The following SLC39A5 variants were observed in gnomAD, a reference collection of about 807,000 sequenced individuals.
The protein encoded by SLC39A5 is zinc transporter ZIP5.
In SLC39A5, 42 loss-of-function variants were observed where a neutral mutation model predicts 46.9. That is an observed-to-expected ratio of 0.90 (90% CI 0.70 to 1.16). SLC39A5 has a LOEUF of 1.16. SLC39A5 is among the 50% of genes most tolerant of loss of function. SLC39A5 has a pLI of 0.00. For synonymous variants in SLC39A5, 311 were observed against 323.1 expected (o/e 0.96, Z 0.40); for missense variants, 677 against 686.8 (o/e 0.99, Z 0.16).
chr12:56,236,602 A>C lies in SLC39A5; in HGVS notation c.1063A>C (p.Arg355=). The change falls in exon 10 of 13, where the codon AGG becomes CGG. Residue 355 remains arginine, a synonymous_variant. Coordinates refer to ENST00000454355, the MANE Select transcript of SLC39A5 (RefSeq NM_173596.3). ...CGCAGAGCCAGGGGCTCAGGGCCAG[A>C]GGGAGAAGAACAGCCAGCACCCACC... ...AAPEPGAQGQ[R]EKNSQHPPAL... 1 of 1,612,992 alleles carries C rather than the reference A, an allele frequency of 6.2e-7. No homozygotes were observed. Among genetic ancestry groups the C allele is most frequent in the Non-Finnish European group, 8.5e-7 (1 of 1,179,218 alleles).
At chr12:56,233,431 C>T (rs1870433022) in intron 5 of SLC39A5, among the ~76,000 whole-genome samples, 1 of 151,200 alleles carries the variant, frequency 6.6e-6, no homozygotes, top group South Asian at 2.1e-4. Context: ...GCCTGGGTAA[C>T]ACAGCGAGAC....
In SLC39A5 at chr12:56,234,847, G is replaced by T; in HGVS notation, c.495G>T (p.Leu165=). The T allele has an allele frequency of 6.2e-7, 1 of 1,613,726 alleles. No individual in the cohort carries two copies. The change falls in exon 6 of 13, where the codon CTG becomes CTT. Residue 165 remains leucine, a synonymous_variant. Coordinates refer to ENST00000454355, the MANE Select transcript of SLC39A5 (RefSeq NM_173596.3). ...AGTGTCTGAACGGCTCCCAGCTGCT[G>T]GTCAATTTTGGCTTGAGCCCCGCTG... The part of the protein sequence containing the change: ...NEDCLNGSQL[L]VNFGLSPAAP...
intron 4 of SLC39A5, among the ~76,000 whole-genome samples, chr12:56,232,074 C>G (rs981941708): frequency 1.3e-4 from 19 of 151,836 alleles, no homozygotes; most frequent in Non-Finnish European, 2.8e-4. Flanking sequence ...TCTCTAAGCC[C>G]TTAAATTTCT....
intron 2 of SLC39A5, chr12:56,230,509 G>A (rs1281884622): frequency 6.6e-6 from 1 of 152,236 alleles, no homozygotes; most frequent in East Asian, 1.9e-4. Context: ...TACTAATGGT[G>A]TTAAGGATAG....
chr12:56,236,484 C>T lies in SLC39A5; in HGVS notation c.1034C>T (p.Ala345Val), dbSNP rs1404518026. 2.5e-6 allele frequency: 4 copies of T among 1,614,136 alleles called. No individual in the cohort carries two copies. Among genetic ancestry groups the T allele is most frequent in the African/African-American group, 2.7e-5 (2 of 74,958 alleles). ...GGGATGGCCCTTCAGCCCCTACAGG[C>T]AGCTCCAGGTGACTAGAGGAGAAAA... The part of the protein sequence containing the change: ...GSGMALQPLQ[A>V]APEPGAQGQR... The change falls in exon 9 of 13, where the codon GCA becomes GTA. Residue 345 changes from alanine to valine, a missense_variant. Transcript: ENST00000454355.
At chr12:56,231,947 C>CA (rs1214116876) in intron 4 of SLC39A5, among the ~76,000 whole-genome samples, 2 of 151,414 alleles carry the variant, frequency 1.3e-5, no homozygotes, top group Admixed American at 1.3e-4. Flanking sequence ...AGGCTGGTCT[C>CA]AAACTCCTGG....
chr12:56,234,940 C>G lies in SLC39A5; in HGVS notation c.588C>G (p.Val196=). The G allele has an allele frequency of 6.2e-7, 1 of 1,613,674 alleles. No individual in the cohort carries two copies. ...PALLYQIDSR[V]CIGAPAPAPP... ...TGCTTTATCAGATCGACAGCCGCGTCTGCATCGGCGCTCCGGCCCCTGCAC... is the reference window on the plus strand; with the variant it reads ...TGCTTTATCAGATCGACAGCCGCGTGTGCATCGGCGCTCCGGCCCCTGCAC... The change falls in exon 6 of 13, where the codon GTC becomes GTG. Residue 196 remains valine, a synonymous_variant. Coordinates refer to ENST00000454355, the MANE Select transcript of SLC39A5 (RefSeq NM_173596.3).
chr12:56,232,971 C>T, intron 5 of SLC39A5, 99 bp downstream of exon 5: 1 of 1,284,600 alleles, frequency 7.8e-7, no homozygotes, highest in Non-Finnish European at 1.1e-6. Flanking sequence ...GTTTTTAAAT[C>T]CCAACGTGGA....
rs540111887 is a variant in SLC39A5, at chr12:56,235,811, A to C, written c.945+111A>C. On this transcript the variant is annotated intron_variant, in intron 8 of 12. Coordinates refer to ENST00000454355, the MANE Select transcript of SLC39A5 (RefSeq NM_173596.3). Reference sequence around the variant, plus strand: ...TGTAATCCCAGCACTTTGGGAGCCCAAGGCGGGCAGATCACAAGGTTAGGA... The same window carrying C: ...TGTAATCCCAGCACTTTGGGAGCCCCAGGCGGGCAGATCACAAGGTTAGGA... 3 of 1,415,520 alleles carry C rather than the reference A, an allele frequency of 2.1e-6. No individual in the cohort carries two copies. In the East Asian group the frequency reaches 6.9e-5, roughly 32 times the overall value. 87.7% of individuals were successfully genotyped at this position (1,415,520 alleles called of 1,614,324 possible). A position where few individuals can be genotyped will look rare whatever the true frequency, so the allele number is the denominator to read the frequency against.
rs1407628260 is a variant in SLC39A5, at chr12:56,235,692, C to T, written c.937C>T (p.Leu313Phe). 2 of 1,614,024 alleles carry T rather than the reference C, an allele frequency of 1.2e-6. No individual in the cohort carries two copies. The highest frequency in any genetic ancestry group is 4.5e-5 in the East Asian group (2 of 44,874). Residue 313 changes from leucine (L) to phenylalanine (F), a missense_variant, in exon 8 of 13, where the codon CTC becomes TTC. By Grantham distance (22) the Leu-to-Phe change is conservative. Coordinates refer to ENST00000454355, the MANE Select transcript of SLC39A5 (RefSeq NM_173596.3). ...GCTGGGGCTTTTGCGGCACCGAGGG[C>T]TCAGGCCAGTGAGTGATACCCTTTT... ...NMLGLLRHRG[L>F]RPRCCRRKRR... is the part of the protein sequence containing the mutation.
rs539513844 is a variant in SLC39A5 at position 56,232,326 on chromosome 12, G to A, written c.288-363G>A. On this transcript the variant is annotated intron_variant, in intron 4 of 12. Transcript: ENST00000454355. The stretch of plus-strand genomic sequence containing the variant: ...GATTACAGGCACACACCACCACGCC[G>A]GGCTAATTTTTGCAATTTTAGTAGA... Among the ~76,000 whole-genome samples, 6 of 151,452 alleles carry A rather than the reference G, an allele frequency of 4.0e-5. No homozygotes were observed. In the Middle Eastern group the frequency reaches 0.017, roughly 432 times the overall value.
chr12:56,236,342 T>C, intron 8 of SLC39A5, 54 bp from the exon 9 acceptor site: 1 of 1,545,682 alleles, frequency 6.5e-7, no homozygotes, highest in Non-Finnish European at 8.9e-7. Context: ...TGGCTTCCCC[T>C]TAGTCCCTGG....
At chr12:56,235,840 C>G (rs775960846) in intron 8 of SLC39A5, 140 bp downstream of exon 8, 1 of 1,078,328 alleles carries the variant, frequency 9.3e-7, no homozygotes, top group Non-Finnish European at 1.4e-6. Flanking sequence ...GTTAGGAGTT[C>G]GAGTCCAGCC....
intron 8 of SLC39A5, among the ~76,000 whole-genome samples, chr12:56,236,044 A>AAAC (rs748318875): frequency 8.5e-5 from 13 of 152,230 alleles, no homozygotes; most frequent in South Asian, 2.1e-4. Flanking sequence ...TCCATCTCAA[A>AAAC]AACAACAACA....
intron 9 of SLC39A5, 24 bp from the exon 10 acceptor site, chr12:56,236,558 A>C: frequency 2.5e-6 from 4 of 1,613,966 alleles, no homozygotes; most frequent in Non-Finnish European, 2.5e-6. Context: ...AGCCACCAAC[A>C]CTGTCCTGTG....
intron 8 of SLC39A5, 64 bp from the exon 9 acceptor site, chr12:56,236,332 T>G (rs1203926719): frequency 1.4e-6 from 2 of 1,474,498 alleles, no homozygotes; most frequent in Admixed American, 1.7e-5. Context: ...GCTTGTGGCC[T>G]GGCTTCCCCT....
rs773334017 is a variant in SLC39A5, at chr12:56,231,577, T to G, written c.287+16T>G. On this transcript the variant is annotated intron_variant, in intron 4 of 12. Coordinates refer to ENST00000454355, the MANE Select transcript of SLC39A5 (RefSeq NM_173596.3). ...CCACACACAGGTACTGACCCCTTCCTCCACTCCACAGGGCCACATCTCCCA... is the reference window on the plus strand; with the variant it reads ...CCACACACAGGTACTGACCCCTTCCGCCACTCCACAGGGCCACATCTCCCA... 1 of 1,521,516 alleles carries G rather than the reference T, an allele frequency of 6.6e-7. No individual in the cohort carries two copies. The highest frequency in any genetic ancestry group is 8.8e-7 in the Non-Finnish European group (1 of 1,133,886). 94.3% of individuals were successfully genotyped at this position (1,521,516 alleles called of 1,614,324 possible).
intron 10 of SLC39A5, 29 bp from the exon 11 acceptor site, chr12:56,236,902 C>T (rs1385611591): frequency 6.2e-7 from 1 of 1,612,960 alleles, no homozygotes; most frequent in South Asian, 1.1e-5. Context: ...TTCTTCTGGA[C>T]TGACAACTTC....
In SLC39A5 at chr12:56,234,958, C is replaced by T. The variant is rs762267562; in HGVS notation, c.606C>T (p.Ala202=). The change falls in exon 6 of 13, where the codon GCC becomes GCT. Residue 202 remains alanine (A), a synonymous_variant. Coordinates refer to ENST00000454355, the MANE Select transcript of SLC39A5 (RefSeq NM_173596.3). Reference sequence around the variant, plus strand: ...GCCGCGTCTGCATCGGCGCTCCGGCCCCTGCACCCCCAGGGGATCTACTAT... The same window carrying T: ...GCCGCGTCTGCATCGGCGCTCCGGCTCCTGCACCCCCAGGGGATCTACTAT... The part of the protein sequence containing the change: ...IDSRVCIGAP[A]PAPPGDLLSA... The T allele has an allele frequency of 2.5e-6, 4 of 1,613,456 alleles. No individual in the cohort carries two copies. Among genetic ancestry groups the T allele is most frequent in the Non-Finnish European group, 3.4e-6 (4 of 1,180,002 alleles).
Sources: gnomAD v4.1 joint callset for allele counts (sites outside exome capture counted in the v4.1 genomes callset) on GRCh38, gnomAD v4.1.1 for gene constraint, MANE v1.5 for transcripts, NCBI Gene and HGNC (gene_info 2026-07-23, HGNC 2026-07-21) for gene names.